CSRNP3: variants seen among roughly 807,000 people sequenced by gnomAD.
The protein encoded by CSRNP3 is cysteine and serine rich nuclear protein 3, also known as cysteine/serine-rich nuclear protein 3.
CSRNP3 carries 12 observed loss-of-function variants against 48.0 expected under a neutral mutation model. The ratio of observed to expected loss-of-function variants is 0.25; its 90% confidence interval spans 0.16 to 0.41. The LOEUF (loss-of-function observed/expected upper bound fraction) is 0.41, where lower values mean the gene tolerates loss of function less well. CSRNP3 is among the 10% of genes least tolerant of loss of function. The pLI is 1.00. For synonymous variants in CSRNP3, 263 were observed against 269.7 expected (o/e 0.98, Z 0.24); for missense variants, 580 against 724.4 (o/e 0.80, Z 2.29).
intron 4 of CSRNP3, among the ~76,000 whole-genome samples, chr2:165,603,832 C>T (rs1685964394): frequency 6.6e-6 from 1 of 152,180 alleles, no homozygotes; most frequent in African/African-American, 2.4e-5. Context: ...TCTCAAAGCA[C>T]ACAATGTTCA....
intron 4 of CSRNP3, among the ~76,000 whole-genome samples, chr2:165,653,019 A>G (rs574642991): frequency 3.3e-5 from 5 of 152,316 alleles, no homozygotes; most frequent in Admixed American, 6.5e-5. Context: ...GGGAGGTTTC[A>G]GATTCCCTAC....
chr2:165,588,609 G>A (rs760130611), intron 3 of CSRNP3, among the ~76,000 whole-genome samples: 1 of 152,174 alleles, frequency 6.6e-6, no homozygotes. Flanking sequence ...ATTTAGAATA[G>A]ATTAATGCCT....
intron 5 of CSRNP3, among the ~76,000 whole-genome samples, chr2:165,666,276 A>G (rs1258744491): frequency 1.2e-3 from 158 of 137,292 alleles, no homozygotes; most frequent in African/African-American, 4.3e-3. Context: ...GAGAGGAAGG[A>G]AGGAAAGGGA....
chr2:165,523,040 G>A (rs1684684293), intron 3 of CSRNP3, among the ~76,000 whole-genome samples: 1 of 152,100 alleles, frequency 6.6e-6, no homozygotes, highest in Non-Finnish European at 1.5e-5. Context: ...TTCACGATTA[G>A]TGCACCTGCT....
intron 3 of CSRNP3, among the ~76,000 whole-genome samples, chr2:165,519,684 G>T (rs1475883207): frequency 6.6e-6 from 1 of 152,056 alleles, no homozygotes; most frequent in African/African-American, 2.4e-5. Flanking sequence ...ATGTGCATGG[G>T]GGTATAGGGT....
intron 3 of CSRNP3, among the ~76,000 whole-genome samples, chr2:165,545,203 G>A (rs570301818): frequency 6.6e-6 from 1 of 152,280 alleles, no homozygotes; most frequent in Admixed American, 6.5e-5. Flanking sequence ...GGTTTTATGA[G>A]AGAATGGGTG....
chr2:165,563,672 C>A (rs867576309), intron 3 of CSRNP3, among the ~76,000 whole-genome samples: 1 of 152,128 alleles, frequency 6.6e-6, no homozygotes, highest in Admixed American at 6.6e-5. Flanking sequence ...CAAGAAAGCA[C>A]GAGTTCAGCT....
At position 165,687,947 on chromosome 2, in the gene CSRNP3, C is replaced by A. The variant is rs1443600543; in HGVS notation, c.*8194C>A. On this transcript the variant is annotated 3_prime_UTR_variant, in exon 7 of 7. Transcript: ENST00000651982. ...ATTTTTTTCAATCTTGGTACAGCTGCATATCTCCCAAACTCGGATGCTCTT... is the reference window on the plus strand; with the variant it reads ...ATTTTTTTCAATCTTGGTACAGCTGAATATCTCCCAAACTCGGATGCTCTT... The A allele has an allele frequency of 6.6e-6, 1 of 151,434 alleles. No individual in the cohort carries two copies. Among genetic ancestry groups the A allele is most frequent in the Non-Finnish European group, 1.5e-5 (1 of 67,922 alleles). The allele number at this position is 151,434 out of a possible 1,614,324, so 9.4% of individuals were successfully genotyped here.
At chr2:165,510,727 T>C (rs1684489973) in intron 2 of CSRNP3, among the ~76,000 whole-genome samples, 1 of 152,172 alleles carries the variant, frequency 6.6e-6, no homozygotes, top group South Asian at 2.1e-4. Context: ...ATTATTGTTA[T>C]TTTTTGGACA....
rs1292009130 is a variant in CSRNP3, at chr2:165,498,424, C to G, written c.-113+3496C>G. Among the ~76,000 whole-genome samples the G allele has an allele frequency of 2.0e-5, 3 of 152,042 alleles. No homozygotes were observed. The East Asian group carries it at 5.8e-4, about 29-fold the overall frequency. Reference sequence around the variant, plus strand: ...CTATCTCTTGAACTCCAGGATCTTGCATTACTTGTTCAATAATTCAAGAAT... The same window carrying G: ...CTATCTCTTGAACTCCAGGATCTTGGATTACTTGTTCAATAATTCAAGAAT... On this transcript the variant is annotated intron_variant, in intron 2 of 6. Coordinates refer to ENST00000651982, the MANE Select transcript of CSRNP3 (RefSeq NM_001172173.2).
intron 3 of CSRNP3, among the ~76,000 whole-genome samples, chr2:165,526,898 C>A (rs1171078820): frequency 6.6e-6 from 1 of 152,030 alleles, no homozygotes; most frequent in South Asian, 2.1e-4. Context: ...TCTGCATGCT[C>A]TCTGACTTAG....
chr2:165,529,516 A>C (rs1434374750), intron 3 of CSRNP3, among the ~76,000 whole-genome samples: 1 of 152,164 alleles, frequency 6.6e-6, no homozygotes, highest in Non-Finnish European at 1.5e-5. Flanking sequence ...TTGTGTGTTC[A>C]TTAAACCTAT....
intron 3 of CSRNP3, among the ~76,000 whole-genome samples, chr2:165,522,933 AG>A (rs1684682637): frequency 6.6e-6 from 1 of 152,156 alleles, no homozygotes; most frequent in Non-Finnish European, 1.5e-5. Flanking sequence ...AATCTGAGGT[AG>A]CCCCTCAATA....
intron 3 of CSRNP3, among the ~76,000 whole-genome samples, chr2:165,574,728 T>C (rs1558938305): frequency 6.6e-6 from 1 of 152,154 alleles, no homozygotes; most frequent in Non-Finnish European, 1.5e-5. Context: ...TAGAAAAATA[T>C]TGAGGCTTAC....
chr2:165,528,564 C>T (rs1484710498), intron 3 of CSRNP3, among the ~76,000 whole-genome samples: 1 of 152,212 alleles, frequency 6.6e-6, no homozygotes, highest in Non-Finnish European at 1.5e-5. Flanking sequence ...GTTTTCTCAA[C>T]ACTCTTTATT....
chr2:165,578,810 G>A lies in CSRNP3; in HGVS notation c.-23-16233G>A, dbSNP rs116131805. ...GATTTCAAGCTATATCGTGGAATGTGAAGAGGCTGAATAAGGGAATGGTTA... is the reference window on the plus strand; with the variant it reads ...GATTTCAAGCTATATCGTGGAATGTAAAGAGGCTGAATAAGGGAATGGTTA... On this transcript the variant is annotated intron_variant, in intron 3 of 6. Transcript: ENST00000651982. Among the ~76,000 whole-genome samples, 1,254 of 152,214 alleles carry A rather than the reference G, an allele frequency of 8.2e-3. 18 individuals carry two copies. Among genetic ancestry groups the A allele is most frequent in the African/African-American group, 0.029 (1,189 of 41,544 alleles).
rs1451613343 is a variant in CSRNP3 at position 165,626,586 on chromosome 2, T to C, written c.149-31175T>C. Among the ~76,000 whole-genome samples, 5 of 152,354 alleles carry C rather than the reference T, an allele frequency of 3.3e-5. No individual in the cohort carries two copies. The South Asian group carries it at 1.0e-3, about 32-fold the overall frequency. On this transcript the variant is annotated intron_variant, in intron 4 of 6. Coordinates refer to ENST00000651982, the MANE Select transcript of CSRNP3 (RefSeq NM_001172173.2). ...AGAGCATTTCTAAAAGCTTACTGTT[T>C]TGCTTCATTGCTATAACATGCAGTT...
At chr2:165,563,361 G>A (rs1029448791) in intron 3 of CSRNP3, among the ~76,000 whole-genome samples, 1 of 152,128 alleles carries the variant, frequency 6.6e-6, no homozygotes, top group African/African-American at 2.4e-5. Context: ...AGACTGCTAA[G>A]TGTTCAAACT....
intron 3 of CSRNP3, among the ~76,000 whole-genome samples, chr2:165,573,384 A>G (rs953311384): frequency 6.6e-6 from 1 of 152,214 alleles, no homozygotes; most frequent in African/African-American, 2.4e-5. Flanking sequence ...TACACACATG[A>G]CTTTTTCTAT....
Sources: gnomAD v4.1 joint callset for allele counts (sites outside exome capture counted in the v4.1 genomes callset) on GRCh38, gnomAD v4.1.1 for gene constraint, MANE v1.5 for transcripts, NCBI Gene and HGNC (gene_info 2026-07-23, HGNC 2026-07-21) for gene names.